Variants in PABIR2 observed in about 807,000 individuals in gnomAD.
PABIR2 encodes family with sequence similarity 122B.
A neutral mutation model predicts 22.8 loss-of-function variants in PABIR2; 7 were observed. The observed-to-expected ratio is 0.31, with a 90% CI of 0.17 to 0.58. The LOEUF (loss-of-function observed/expected upper bound fraction) is 0.58, where lower values mean the gene tolerates loss of function less well. Among genes scored for constraint, PABIR2 ranks in the 20% least tolerant of loss-of-function variants. The pLI is 0.89. For synonymous variants in PABIR2, 67 were observed against 73.8 expected (o/e 0.91, Z 0.47); for missense variants, 155 against 205.1 (o/e 0.76, Z 1.49).
In PABIR2 at chrX:134,778,947, G is replaced by A. The variant is rs942259082; in HGVS notation, c.659+2874C>T. Among the ~76,000 whole-genome samples, 4 of 110,789 alleles carry A rather than the reference G, an allele frequency of 3.6e-5. No individual in the cohort carries two copies. In the East Asian group the frequency reaches 8.7e-4, roughly 24 times the overall value. On this transcript the variant is annotated intron_variant, in intron 9 of 9. Coordinates refer to ENST00000343004, the MANE Select transcript of PABIR2 (RefSeq NM_001387468.1). ...TCCTGCCTCAGCCTCCCGAGTAGCTGGGACTACAGGCGCCCGCCACCATGC... is the reference window on the plus strand; with the variant it reads ...TCCTGCCTCAGCCTCCCGAGTAGCTAGGACTACAGGCGCCCGCCACCATGC...
rs12012837 is a variant in PABIR2, at chrX:134,772,435, A to G, written c.660-152T>C. The G allele has an allele frequency of 8.2e-3, 4,101 of 502,199 alleles. 132 individuals are homozygous for G. The African/African-American group carries it at 0.086, about 10-fold the overall frequency. The allele number at this position is 502,199 out of a possible 1,213,427, so 41.4% of individuals were successfully genotyped here. A position where few individuals can be genotyped will look rare whatever the true frequency, so the allele number is the denominator to read the frequency against. ...ACAGCAATGAACTACATAATATACTACATTATAAAGCCACAGAAATCCAAA... is the reference window on the plus strand; with the variant it reads ...ACAGCAATGAACTACATAATATACTGCATTATAAAGCCACAGAAATCCAAA... On this transcript the variant is annotated intron_variant, in intron 9 of 9. Coordinates refer to ENST00000343004, the MANE Select transcript of PABIR2 (RefSeq NM_001387468.1).
chrX:134,778,504 CAAAA>C (rs750595910), intron 9 of PABIR2, among the ~76,000 whole-genome samples: 1 of 32,984 alleles, frequency 3.0e-5, no homozygotes, highest in Non-Finnish European at 5.9e-5. Context: ...AACTCCGTCT[CAAAA>C]AAAAAAAAAA....
intron 9 of PABIR2, among the ~76,000 whole-genome samples, chrX:134,779,036 G>T (rs1603007084): frequency 9.0e-6 from 1 of 111,029 alleles, no homozygotes; most frequent in Non-Finnish European, 1.9e-5. Context: ...AGATGATCTC[G>T]ATCTCCTGAC....
chrX:134,788,873 C>T (rs1397293217), intron 5 of PABIR2, 42 bp from the exon 6 acceptor site: 2 of 1,111,747 alleles, frequency 1.8e-6, no homozygotes, highest in East Asian at 3.0e-5. Flanking sequence ...AAATTCAGCA[C>T]ATCACAGCTC....
chrX:134,784,845 T>C (rs1239193597), intron 8 of PABIR2, among the ~76,000 whole-genome samples: 2 of 111,302 alleles, frequency 1.8e-5, no homozygotes, highest in African/African-American at 6.5e-5. Context: ...TAAACTATTT[T>C]AGCCTACTGC....
At chrX:134,788,013 T>C (rs1401746815) in intron 6 of PABIR2, among the ~76,000 whole-genome samples, 2 of 107,251 alleles carry the variant, frequency 1.9e-5, no homozygotes. Flanking sequence ...GTGTGTCTCA[T>C]AACTAAATTA....
intron 9 of PABIR2, among the ~76,000 whole-genome samples, chrX:134,778,137 G>T (rs1317034046): frequency 9.7e-6 from 1 of 102,802 alleles, no homozygotes; most frequent in South Asian, 4.8e-4. Flanking sequence ...CAAGTGATCC[G>T]CCCACCTCGG....
At chrX:134,788,510 AAT>A (rs201502645) in intron 6 of PABIR2, among the ~76,000 whole-genome samples, 1,913 of 106,317 alleles carry the variant, frequency 0.018, 48 homozygotes, top group African/African-American at 0.062. Flanking sequence ...TTATATATGT[AAT>A]ATGTTATATA....
In PABIR2 at chrX:134,788,469, TTATATATACGTTA is replaced by T. The variant is rs2079434157; in HGVS notation, c.435+248_435+260del. On this transcript the variant is annotated intron_variant, in intron 6 of 9. Transcript: ENST00000343004. Reference sequence around the variant, plus strand: ...ATGTGTTATATATGTTATATATGTGTTATATATACGTTATATATGTAATATATACGTTATATAT... The same window carrying T: ...ATGTGTTATATATGTTATATATGTGTTATATGTAATATATACGTTATATAT... 1.9e-5 allele frequency among the ~76,000 whole-genome samples: 2 copies of T among 106,799 alleles called. 1 individual carries two copies. The highest frequency in any genetic ancestry group is 7.6e-4 in the South Asian group (2 of 2,643). 92.7% of individuals were successfully genotyped at this position (106,799 alleles called of 115,157 possible). A position where few individuals can be genotyped will look rare whatever the true frequency, so the allele number is the denominator to read the frequency against.
At chrX:134,777,838 A>T (rs2079027664) in intron 9 of PABIR2, among the ~76,000 whole-genome samples, 1 of 110,232 alleles carries the variant, frequency 9.1e-6, no homozygotes. Flanking sequence ...CTCCGTCTCA[A>T]ATAAAGTTTC....
chrX:134,770,451 A>C lies in PABIR2; in HGVS notation c.*1688T>G, dbSNP rs959729388. The C allele has an allele frequency of 1.8e-5, 2 of 112,821 alleles. No individual in the cohort carries two copies. Among genetic ancestry groups the C allele is most frequent in the Non-Finnish European group, 3.8e-5 (2 of 53,251 alleles). 9.3% of individuals were successfully genotyped at this position (112,821 alleles called of 1,213,427 possible). Reference sequence around the variant, plus strand: ...TGCTGTAACAGAAGTACTGCACGCTAAGTGATGCTCTCTTGTAATTGAAAG... The same window carrying C: ...TGCTGTAACAGAAGTACTGCACGCTCAGTGATGCTCTCTTGTAATTGAAAG... On this transcript the variant is annotated 3_prime_UTR_variant, in exon 10 of 10. Coordinates refer to ENST00000343004, the MANE Select transcript of PABIR2 (RefSeq NM_001387468.1).
rs1364927208 is a variant in PABIR2, at chrX:134,771,026, C to T, written c.*1113G>A. On this transcript the variant is annotated 3_prime_UTR_variant, in exon 10 of 10. Coordinates refer to ENST00000343004, the MANE Select transcript of PABIR2 (RefSeq NM_001387468.1). ...AACAAGAACTGGATTCTGATTCTGG[C>T]AGCAACACAATAACTAAAACACCAT... The T allele has an allele frequency of 3.9e-6, 1 of 253,683 alleles. No individual in the cohort carries two copies. 20.9% of individuals were successfully genotyped at this position (253,683 alleles called of 1,213,427 possible). A position where few individuals can be genotyped will look rare whatever the true frequency, so the allele number is the denominator to read the frequency against.
intron 8 of PABIR2, among the ~76,000 whole-genome samples, chrX:134,783,652 G>A (rs2079216679): frequency 9.0e-6 from 1 of 111,060 alleles, no homozygotes; most frequent in Admixed American, 9.6e-5. Flanking sequence ...TTGAACCCAG[G>A]AGGCGGAGGT....
chrX:134,774,440 A>C (rs1157947886), intron 9 of PABIR2, among the ~76,000 whole-genome samples: 1 of 111,666 alleles, frequency 9.0e-6, no homozygotes, highest in Non-Finnish European at 1.9e-5. Flanking sequence ...CCAAGCAGAT[A>C]ATCTGAATAT....
chrX:134,793,734 G>T, intron 2 of PABIR2, 81 bp downstream of exon 2: 1 of 1,030,242 alleles, frequency 9.7e-7, no homozygotes, highest in Non-Finnish European at 1.4e-6. Context: ...ATTGTGCATA[G>T]CACATCATTT....
In PABIR2 at chrX:134,779,806, C is replaced by A. The variant is rs553689492; in HGVS notation, c.659+2015G>T. Among the ~76,000 whole-genome samples the A allele has an allele frequency of 1.2e-4, 13 of 112,482 alleles. No homozygotes were observed. The South Asian group carries it at 4.7e-3, about 41-fold the overall frequency. ...CTTGGTTAGTAACTAGGTAAGCAAA[C>A]CTATTTATAGCCATGTGCCTATTAA... On this transcript the variant is annotated intron_variant, in intron 9 of 9. Transcript: ENST00000343004.
Position 134,788,169 on chromosome X carries a change from A to G in PABIR2, c.435+561T>C, listed in dbSNP as rs1258445302. Among the ~76,000 whole-genome samples the G allele has an allele frequency of 4.3e-5, 4 of 93,731 alleles. No individual in the cohort carries two copies. The Admixed American group carries it at 5.1e-4, about 12-fold the overall frequency. The allele number at this position is 93,731 out of a possible 115,157, so 81.4% of individuals were successfully genotyped here. A position where few individuals can be genotyped will look rare whatever the true frequency, so the allele number is the denominator to read the frequency against. ...TATACGTTATATATGTGTAATATAT[A>G]CACGTTATATATGTGTAATATATAC... On this transcript the variant is annotated intron_variant, in intron 6 of 9. Transcript: ENST00000343004.
chrX:134,793,918 C>CAA, intron 1 of PABIR2, 25 bp from the exon 2 acceptor site: 2 of 1,184,018 alleles, frequency 1.7e-6, no homozygotes, highest in Non-Finnish European at 1.1e-6. Context: ...AACAAACAAA[C>CAA]AAAAAAAACA....
chrX:134,778,523 AATC>A (rs2079065546), intron 9 of PABIR2, among the ~76,000 whole-genome samples: 1 of 108,223 alleles, frequency 9.2e-6, no homozygotes, highest in Non-Finnish European at 1.9e-5. Flanking sequence ...AAAAAAAAAA[AATC>A]ATATTTAAAA....
Sources: allele counts gnomAD v4.1 joint callset (sites outside exome capture counted in the v4.1 genomes callset), GRCh38; gene constraint gnomAD v4.1.1; transcripts MANE v1.5; gene names NCBI Gene and HGNC (gene_info 2026-07-23, HGNC 2026-07-21).